SAMD4A: variants seen among roughly 807,000 people sequenced by gnomAD.
The protein encoded by SAMD4A is protein Smaug homolog 1.
A neutral mutation model predicts 81.3 loss-of-function variants in SAMD4A; 33 were observed. The observed-to-expected ratio is 0.41, with a 90% CI of 0.31 to 0.54. The LOEUF is 0.54. Among genes scored for constraint, SAMD4A ranks in the 20% least tolerant of loss-of-function variants. The probability of loss-of-function intolerance (pLI) is 0.37; values close to 1 mark genes in which losing one functional copy is unlikely to be tolerated. For synonymous variants in SAMD4A, 389 were observed against 382.1 expected, an observed-to-expected ratio of 1.02 and a Z score of -0.21; for missense variants, 854 against 951.1, an observed-to-expected ratio of 0.90 and a Z score of 1.34.
chr14:54,736,782 G>T (rs1298004458), intron 3 of SAMD4A, among the ~76,000 whole-genome samples: 1 of 152,218 alleles, frequency 6.6e-6, no homozygotes, highest in Non-Finnish European at 1.5e-5. Flanking sequence ...AAGGACCAAT[G>T]TGTGGGCACT....
At chr14:54,576,790 G>T (rs1327711564) in intron 2 of SAMD4A, among the ~76,000 whole-genome samples, 3 of 152,184 alleles carry the variant, frequency 2.0e-5, no homozygotes, top group Admixed American at 1.3e-4. Context: ...GAATCTAGTT[G>T]TGTGGCTTTA....
chr14:54,760,307 G>C lies in SAMD4A; in HGVS notation c.1323G>C (p.Met441Ile), dbSNP rs754157629. 3 of 1,609,452 alleles carry C rather than the reference G, an allele frequency of 1.9e-6. No individual in the cohort carries two copies. In the Admixed American group the frequency reaches 5.0e-5, roughly 27 times the overall value. Residue 441 changes from methionine to isoleucine, a missense_variant, in exon 7 of 13, where the codon ATG becomes ATC. Met to Ile is a conservative substitution (Grantham distance 10). Around this residue, in one of 3 missense-constraint regions of SAMD4A, gnomAD observed 428 missense variants for 471.2 expected, o/e 0.91. Transcript: ENST00000554335. ...EPQAPRQPSL[M>I]GPESQSPDCK... ...AGGCCCCGCGTCAGCCCTCACTGAT[G>C]GGCCCCGAGAGCCAGAGCCCCGACT... is the stretch of plus-strand genomic sequence containing the variant.
chr14:54,599,006 G>A (rs576057651), intron 2 of SAMD4A, among the ~76,000 whole-genome samples: 27 of 152,026 alleles, frequency 1.8e-4, no homozygotes, highest in Non-Finnish European at 3.2e-4. Flanking sequence ...TTTTTGTAGA[G>A]ACATGGTGTC....
Position 54,760,523 on chromosome 14 carries a change from T to G in SAMD4A, c.1510+29T>G, listed in dbSNP as rs556478819. 9 of 1,382,386 alleles carry G rather than the reference T, an allele frequency of 6.5e-6. No individual in the cohort carries two copies. The South Asian group carries it at 6.9e-5, about 11-fold the overall frequency. 85.6% of individuals were successfully genotyped at this position (1,382,386 alleles called of 1,614,324 possible). On this transcript the variant is annotated intron_variant, in intron 7 of 12. Coordinates refer to ENST00000554335, the MANE Select transcript of SAMD4A (RefSeq NM_015589.6). The stretch of plus-strand genomic sequence containing the variant: ...GAGCCTCATTCGCCCATTTCTTTTT[T>G]CTTCTGGATACCACTAACCAGAGCG...
intron 2 of SAMD4A, among the ~76,000 whole-genome samples, chr14:54,654,890 A>C (rs2035484986): frequency 6.6e-6 from 1 of 152,246 alleles, no homozygotes; most frequent in African/African-American, 2.4e-5. Flanking sequence ...ACAGCACATC[A>C]GTGCCTGGCT....
At chr14:54,712,576 C>T (rs1023543442) in intron 3 of SAMD4A, among the ~76,000 whole-genome samples, 2 of 152,148 alleles carry the variant, frequency 1.3e-5, no homozygotes, top group Admixed American at 6.5e-5. Flanking sequence ...TCTCCTGTTT[C>T]CAAGAGTCCA....
chr14:54,750,977 G>C (rs2038087660), intron 5 of SAMD4A, among the ~76,000 whole-genome samples: 1 of 152,226 alleles, frequency 6.6e-6, no homozygotes, highest in African/African-American at 2.4e-5. Flanking sequence ...GAATTAAGAA[G>C]ATGGCTGGGT....
chr14:54,678,791 G>T (rs1004585763), intron 2 of SAMD4A, among the ~76,000 whole-genome samples: 1 of 151,968 alleles, frequency 6.6e-6, no homozygotes, highest in Non-Finnish European at 1.5e-5. Flanking sequence ...CTCGTGATCC[G>T]CCCGCCTCGG....
intron 10 of SAMD4A, 31 bp from the exon 11 acceptor site, chr14:54,776,379 GAACT>G (rs944523169): frequency 6.3e-7 from 1 of 1,582,334 alleles, no homozygotes; most frequent in African/African-American, 1.4e-5. Flanking sequence ...CAGTGGGGCT[GAACT>G]AACAAGTTCC....
At chr14:54,671,132 G>A (rs965692404) in intron 2 of SAMD4A, among the ~76,000 whole-genome samples, 1 of 152,218 alleles carries the variant, frequency 6.6e-6, no homozygotes, top group Non-Finnish European at 1.5e-5. Context: ...AAGTGAGGCA[G>A]AAAATGGTTA....
chr14:54,725,570 C>T lies in SAMD4A; in HGVS notation c.716-11454C>T, dbSNP rs1421489278. On this transcript the variant is annotated intron_variant, in intron 3 of 12. Coordinates refer to ENST00000554335, the MANE Select transcript of SAMD4A (RefSeq NM_015589.6). Reference sequence around the variant, plus strand: ...TATTTTTCATGCCACATGTAATAGGCTGAAAATGCTGCATGAATGTCATTA... The same window carrying T: ...TATTTTTCATGCCACATGTAATAGGTTGAAAATGCTGCATGAATGTCATTA... Among the ~76,000 whole-genome samples, 3 of 152,260 alleles carry T rather than the reference C, an allele frequency of 2.0e-5. No homozygotes were observed. The East Asian group carries it at 5.8e-4, about 29-fold the overall frequency.
intron 2 of SAMD4A, among the ~76,000 whole-genome samples, chr14:54,662,622 C>T (rs1483884479): frequency 3.3e-5 from 5 of 151,936 alleles, no homozygotes; most frequent in African/African-American, 1.2e-4. Flanking sequence ...ACCATGTTGA[C>T]CAAGCTGTTC....
At chr14:54,782,863 G>C (rs952881071) in intron 11 of SAMD4A, among the ~76,000 whole-genome samples, 5 of 152,154 alleles carry the variant, frequency 3.3e-5, no homozygotes, top group Admixed American at 1.3e-4. Context: ...CACCAACTTC[G>C]TTTCACTTCT....
chr14:54,640,799 G>C (rs1333003592), intron 2 of SAMD4A, among the ~76,000 whole-genome samples: 1 of 152,086 alleles, frequency 6.6e-6, no homozygotes, highest in Non-Finnish European at 1.5e-5. Flanking sequence ...AGGCCGTGGG[G>C]AGAGAGAATG....
At chr14:54,724,051 A>AGGAAG (rs1566605009) in intron 3 of SAMD4A, among the ~76,000 whole-genome samples, 30 of 150,898 alleles carry the variant, frequency 2.0e-4, no homozygotes, top group African/African-American at 5.9e-4. Flanking sequence ...GAAGGAAGGA[A>AGGAAG]TAATGCAGGA....
rs1222151541 is a variant in SAMD4A at position 54,790,809 on chromosome 14, ATCCGAACAATTTTCT to A, written c.*1867_*1881del. 4 of 151,852 alleles carry A rather than the reference ATCCGAACAATTTTCT, an allele frequency of 2.6e-5. No homozygotes were observed. Among genetic ancestry groups the A allele is most frequent in the Non-Finnish European group, 5.9e-5 (4 of 67,976 alleles). The allele number at this position is 151,852 out of a possible 1,614,324, so 9.4% of individuals were successfully genotyped here. ...TACAGACCTAAAAGGCCTTAATGAA[ATCCGAACAATTTTCT>A]TTTACTTTCAAGATCAAAAACATGC... is the stretch of plus-strand genomic sequence containing the variant. On this transcript the variant is annotated 3_prime_UTR_variant, in exon 13 of 13. Transcript: ENST00000554335.
At chr14:54,701,628 A>T (rs539384078) in intron 2 of SAMD4A, among the ~76,000 whole-genome samples, 1 of 152,158 alleles carries the variant, frequency 6.6e-6, no homozygotes, top group African/African-American at 2.4e-5. Flanking sequence ...CTTTCAACAG[A>T]TGTCTGGGGG....
chr14:54,571,776 T>TA (rs376994591), intron 2 of SAMD4A, among the ~76,000 whole-genome samples: 6 of 152,148 alleles, frequency 3.9e-5, no homozygotes, highest in East Asian at 1.9e-4. Flanking sequence ...CTAACTTTTT[T>TA]AAAAAAATTG....
intron 3 of SAMD4A, among the ~76,000 whole-genome samples, chr14:54,717,225 G>T (rs2037140593): frequency 6.6e-6 from 1 of 152,060 alleles, no homozygotes; most frequent in Non-Finnish European, 1.5e-5. Context: ...AGGATTGCCT[G>T]AGTGCAGGAG....
Sources: gnomAD v4.1 joint callset for allele counts (sites outside exome capture counted in the v4.1 genomes callset) on GRCh38, gnomAD v4.1.1 for gene constraint, gnomAD v4.1.1 regional missense constraint, MANE v1.5 for transcripts, NCBI Gene and HGNC (gene_info 2026-07-23, HGNC 2026-07-21) for gene names.